Variants in RBPMS observed in about 807,000 individuals in gnomAD.
RBPMS encodes RNA binding protein, mRNA processing factor.
RBPMS carries 7 observed loss-of-function variants against 26.8 expected under a neutral mutation model. The observed-to-expected ratio is 0.26, with a 90% CI of 0.15 to 0.49. The LOEUF (loss-of-function observed/expected upper bound fraction) is 0.49, where lower values mean the gene tolerates loss of function less well. Among genes scored for constraint, RBPMS ranks in the 20% least tolerant of loss-of-function variants. The pLI, the probability that RBPMS is intolerant of heterozygous loss-of-function variation, is 0.98. For synonymous variants in RBPMS, 96 were observed against 93.3 expected, an observed-to-expected ratio of 1.03 and a Z score of -0.17; for missense variants, 186 against 250.0, an observed-to-expected ratio of 0.74 and a Z score of 1.73.
intron 5 of RBPMS, among the ~76,000 whole-genome samples, chr8:30,540,734 G>A (rs964375048): frequency 1.3e-5 from 2 of 152,184 alleles, no homozygotes; most frequent in African/African-American, 4.8e-5. Context: ...CAGCCAAACT[G>A]TGTATTTTTA....
intron 5 of RBPMS, among the ~76,000 whole-genome samples, chr8:30,513,998 A>G (rs1822019690): frequency 6.6e-6 from 1 of 152,168 alleles, no homozygotes; most frequent in African/African-American, 2.4e-5. Flanking sequence ...TTTCACAAAA[A>G]TAGTTTGCTT....
intron 5 of RBPMS, chr8:30,537,762 T>C (rs185386819): frequency 8.3e-5 from 34 of 409,054 alleles, no homozygotes; most frequent in Non-Finnish European, 1.3e-4. Flanking sequence ...ATGAGGATGA[T>C]TGGTGCACAG....
At chr8:30,421,996 G>A (rs1810852753) in intron 1 of RBPMS, among the ~76,000 whole-genome samples, 1 of 151,874 alleles carries the variant, frequency 6.6e-6, no homozygotes, top group African/African-American at 2.4e-5. Context: ...CTATGATAGA[G>A]ATAAGAATAA....
chr8:30,495,587 C>T (rs1819861364), intron 4 of RBPMS, among the ~76,000 whole-genome samples: 1 of 152,124 alleles, frequency 6.6e-6, no homozygotes, highest in Non-Finnish European at 1.5e-5. Context: ...TAAGGTAAAG[C>T]CAGGGCAAGC....
chr8:30,385,761 C>A (rs1166151764), intron 1 of RBPMS, among the ~76,000 whole-genome samples: 1 of 152,090 alleles, frequency 6.6e-6, no homozygotes, highest in East Asian at 1.9e-4. Flanking sequence ...CTGAGGGGAG[C>A]AGAGTAAGAG....
chr8:30,428,545 C>A (rs62502001), intron 1 of RBPMS, among the ~76,000 whole-genome samples: 3,255 of 152,058 alleles, frequency 0.021, 57 homozygotes, highest in Middle Eastern at 0.061. Flanking sequence ...TTAAAAATAA[C>A]CCAGCATAAT....
At chr8:30,470,482 T>A (rs1327796441) in intron 1 of RBPMS, among the ~76,000 whole-genome samples, 5 of 152,204 alleles carry the variant, frequency 3.3e-5, no homozygotes, top group Non-Finnish European at 7.3e-5. Context: ...CGTGATTTTT[T>A]AAAACTTGCT....
At chr8:30,495,573 A>T (rs1010003479) in intron 4 of RBPMS, among the ~76,000 whole-genome samples, 1 of 152,188 alleles carries the variant, frequency 6.6e-6, no homozygotes, top group Non-Finnish European at 1.5e-5. Context: ...AAATCAGATT[A>T]TTCTAAGGTA....
At chr8:30,459,790 A>G (rs1815681768) in intron 1 of RBPMS, among the ~76,000 whole-genome samples, 1 of 152,258 alleles carries the variant, frequency 6.6e-6, no homozygotes, top group African/African-American at 2.4e-5. Context: ...GCCAGATTAA[A>G]TAGCTCAATA....
intron 4 of RBPMS, among the ~76,000 whole-genome samples, chr8:30,480,687 CCGAAGCA>C (rs1297874948): frequency 1.3e-5 from 2 of 152,184 alleles, no homozygotes; most frequent in Non-Finnish European, 2.9e-5. Context: ...GTGGTATACA[CCGAAGCA>C]CGGTGTATAA....
intron 6 of RBPMS, chr8:30,558,101 T>C (rs971420379): frequency 6.6e-6 from 1 of 152,274 alleles, no homozygotes; most frequent in African/African-American, 2.4e-5. Context: ...TGACCTTAGG[T>C]GATCCGCCCG....
At chr8:30,432,549 T>C (rs1314762181) in intron 1 of RBPMS, among the ~76,000 whole-genome samples, 1 of 152,182 alleles carries the variant, frequency 6.6e-6, no homozygotes, top group African/African-American at 2.4e-5. Flanking sequence ...TTTGTGTCAT[T>C]TACCTGTTTT....
intron 1 of RBPMS, among the ~76,000 whole-genome samples, chr8:30,387,815 GCTT>G: frequency 6.6e-6 from 1 of 152,092 alleles, no homozygotes; most frequent in East Asian, 1.9e-4. Flanking sequence ...GTGTATTTTA[GCTT>G]CTTTTGAGAG....
rs533596796 is a variant in RBPMS, at chr8:30,495,248, A to G, written c.247-9038A>G. 3.3e-5 allele frequency among the ~76,000 whole-genome samples: 5 copies of G among 151,742 alleles called. No individual in the cohort carries two copies. The South Asian group carries it at 8.4e-4, about 25-fold the overall frequency. ...AGAGGATAAAATTTTATTGCGTTTT[A>G]TGGAACATCTGGTTTAGAAACAATT... On this transcript the variant is annotated intron_variant, in intron 4 of 8. Coordinates refer to ENST00000397323, the MANE Select transcript of RBPMS (RefSeq NM_001008710.3).
chr8:30,424,895 GC>G (rs1318067980), intron 1 of RBPMS, among the ~76,000 whole-genome samples: 1 of 151,814 alleles, frequency 6.6e-6, no homozygotes, highest in Admixed American at 6.6e-5. Flanking sequence ...GTACACGCGC[GC>G]ACACACACAC....
intron 5 of RBPMS, among the ~76,000 whole-genome samples, chr8:30,536,913 A>G (rs1824862152): frequency 6.6e-6 from 1 of 152,158 alleles, no homozygotes; most frequent in African/African-American, 2.4e-5. Context: ...TTTTGAAAAT[A>G]CAGCTCCTGT....
chr8:30,495,506 T>G (rs755045334), intron 4 of RBPMS, among the ~76,000 whole-genome samples: 1 of 152,090 alleles, frequency 6.6e-6, no homozygotes, highest in Non-Finnish European at 1.5e-5. Context: ...GTTTTACCAA[T>G]GGACAGGCAA....
intron 1 of RBPMS, among the ~76,000 whole-genome samples, chr8:30,411,706 G>A (rs533392752): frequency 1.9e-4 from 29 of 150,528 alleles, no homozygotes; most frequent in Non-Finnish European, 3.0e-4. Flanking sequence ...TGTTTAGGCC[G>A]GGCACAGTGG....
chr8:30,450,354 T>C (rs184407065), intron 1 of RBPMS, among the ~76,000 whole-genome samples: 5 of 152,312 alleles, frequency 3.3e-5, no homozygotes, highest in Admixed American at 1.3e-4. Context: ...TTAGATTTGG[T>C]GTTCTCTAGC....
Sources: allele counts gnomAD v4.1 joint callset (sites outside exome capture counted in the v4.1 genomes callset), GRCh38; gene constraint gnomAD v4.1.1; transcripts MANE v1.5; gene names NCBI Gene and HGNC (gene_info 2026-07-23, HGNC 2026-07-21).